The following ZNF730 variants were observed in gnomAD, a reference collection of about 807,000 sequenced individuals.
The protein encoded by ZNF730 is zinc finger protein 730, also known as putative zinc finger protein 730.
Under a neutral mutation model 12.6 loss-of-function variants are expected in ZNF730, and 12 were observed. The observed-to-expected ratio is 0.95, with a 90% CI of 0.61 to 1.54. The LOEUF (loss-of-function observed/expected upper bound fraction) is 1.54, where lower values mean the gene tolerates loss of function less well. Among genes scored for constraint, ZNF730 ranks in the 40% most tolerant of loss-of-function variants. The pLI, the probability that ZNF730 is intolerant of heterozygous loss-of-function variation, is 0.00. For synonymous variants in ZNF730, 194 were observed against 195.8 expected, an observed-to-expected ratio of 0.99 and a Z score of 0.08; for missense variants, 643 against 583.5, an observed-to-expected ratio of 1.10 and a Z score of -1.05.
At chr19:23,083,471 A>G (rs796639819) in intron 1 of ZNF730, among the ~76,000 whole-genome samples, 1 of 152,286 alleles carries the variant, frequency 6.6e-6, no homozygotes, top group African/African-American at 2.4e-5. Flanking sequence ...ACTGGGTCAT[A>G]TAGTAGCTCT....
upstream of ZNF730, among the ~76,000 whole-genome samples, chr19:23,114,477 T>A (rs1338954639): frequency 1.4e-5 from 2 of 141,608 alleles, no homozygotes; most frequent in African/African-American, 5.0e-5. Context: ...CGGCTAATTT[T>A]TTTATTTTTA....
At chr19:23,111,215 T>C (rs1970457540) in intron 1 of ZNF730, among the ~76,000 whole-genome samples, 3 of 152,220 alleles carry the variant, frequency 2.0e-5, no homozygotes, top group African/African-American at 7.2e-5. Flanking sequence ...GTCAAGCATA[T>C]AATCCCAATA....
chr19:23,075,272 C>T (rs746958388), exon 1 of ZNF730: 2 of 152,810 alleles, frequency 1.3e-5, no homozygotes, highest in Admixed American at 6.6e-5. Context: ...CGTCCTCTAC[C>T]TGGGAACCAC....
upstream of ZNF730, among the ~76,000 whole-genome samples, chr19:23,114,542 C>T (rs1042533971): frequency 1.3e-5 from 2 of 151,100 alleles, no homozygotes; most frequent in Admixed American, 6.6e-5. Flanking sequence ...TTAGTAGAGA[C>T]GGAGTTTCAC....
At chr19:23,117,893 A>G (rs1970552270) in intron 1 of ZNF730, among the ~76,000 whole-genome samples, 1 of 152,030 alleles carries the variant, frequency 6.6e-6, no homozygotes, top group Admixed American at 6.6e-5. Context: ...ATTTTTTTTT[A>G]AAGTAGGAAT....
intron 1 of ZNF730, chr19:23,095,118 G>T (rs993116097): frequency 5.6e-6 from 2 of 358,012 alleles, no homozygotes; most frequent in Non-Finnish European, 1.0e-5. Context: ...CCAACTCACA[G>T]AAGGGATTGT....
intron 1 of ZNF730, among the ~76,000 whole-genome samples, chr19:23,129,572 TC>T (rs35242637): frequency 0.057 from 7,864 of 138,420 alleles, 302 homozygotes; most frequent in Middle Eastern, 0.098. Context: ...AATGCTTGTA[TC>T]CCCCCCCCCA....
At chr19:23,103,098 A>G (rs974432903) in intron 1 of ZNF730, among the ~76,000 whole-genome samples, 2 of 152,206 alleles carry the variant, frequency 1.3e-5, no homozygotes, top group Non-Finnish European at 2.9e-5. Flanking sequence ...AAAAATCCAC[A>G]GTTGAAATTG....
chr19:23,079,570 AT>A (rs1041535689), intron 1 of ZNF730, among the ~76,000 whole-genome samples: 25 of 152,318 alleles, frequency 1.6e-4, no homozygotes, highest in Non-Finnish European at 3.4e-4. Flanking sequence ...TTTGAAGGTA[AT>A]TTTTAAAAAA....
chr19:23,112,737 A>G (rs1277553015), upstream of ZNF730, among the ~76,000 whole-genome samples: 3 of 32,534 alleles, frequency 9.2e-5, no homozygotes, highest in Admixed American at 7.3e-4. Context: ...AAATAGAAGA[A>G]AAAAAAAAAA....
chr19:23,117,498 G>A (rs1970546329), intron 1 of ZNF730, among the ~76,000 whole-genome samples: 1 of 152,184 alleles, frequency 6.6e-6, no homozygotes. Flanking sequence ...ATCCTGACTC[G>A]GGCTGCGGGT....
intron 1 of ZNF730, among the ~76,000 whole-genome samples, chr19:23,102,771 C>A (rs1200954658): frequency 6.6e-6 from 1 of 152,146 alleles, no homozygotes; most frequent in East Asian, 1.9e-4. Flanking sequence ...TCTGGGATTA[C>A]AGGCATGAGC....
At chr19:23,131,268 GA>G (rs749008768) in intron 1 of ZNF730, among the ~76,000 whole-genome samples, 9 of 151,936 alleles carry the variant, frequency 5.9e-5, no homozygotes, top group Non-Finnish European at 1.3e-4. Flanking sequence ...CAATGACAGA[GA>G]AACAGAAAAA....
At chr19:23,099,824 C>T (rs1183489943) in intron 1 of ZNF730, among the ~76,000 whole-genome samples, 1 of 152,138 alleles carries the variant, frequency 6.6e-6, no homozygotes, top group Non-Finnish European at 1.5e-5. Flanking sequence ...AGTTATTTGA[C>T]TCTCACCTGG....
chr19:23,076,845 C>T (rs1235582151), intron 1 of ZNF730, among the ~76,000 whole-genome samples: 1 of 151,944 alleles, frequency 6.6e-6, no homozygotes, highest in Non-Finnish European at 1.5e-5. Flanking sequence ...GGTATATACC[C>T]AAAATAATAT....
At position 23,122,700 on chromosome 19, in the gene ZNF730, A is replaced by G. The variant is rs546027552; in HGVS notation, c.3+5524A>G. Among the ~76,000 whole-genome samples the G allele has an allele frequency of 7.9e-5, 12 of 152,340 alleles. No individual in the cohort carries two copies. In the South Asian group the frequency reaches 2.5e-3, roughly 32 times the overall value. ...TTACTTCAGAACAATTAGTATAGTT[A>G]GGTGTAGTGTTTGTAGACAACTTGC... is the stretch of plus-strand genomic sequence containing the variant. On this transcript the variant is annotated intron_variant, in intron 1 of 3. Coordinates refer to ENST00000597761, the MANE Select transcript of ZNF730 (RefSeq NM_001277403.2).
intron 1 of ZNF730, among the ~76,000 whole-genome samples, chr19:23,111,674 A>G (rs1970461784): frequency 6.6e-6 from 1 of 151,850 alleles, no homozygotes; most frequent in African/African-American, 2.4e-5. Context: ...GCTTGAACCC[A>G]GGAGGCGGAG....
At chr19:23,095,347 A>T (rs762533632) in intron 1 of ZNF730, 1 of 398,508 alleles carries the variant, frequency 2.5e-6, no homozygotes, top group Admixed American at 4.4e-5. Flanking sequence ...CCATTGTGAC[A>T]TATTGCTGGG....
At chr19:23,096,393 A>G (rs1222128085) in intron 1 of ZNF730, among the ~76,000 whole-genome samples, 1 of 152,150 alleles carries the variant, frequency 6.6e-6, no homozygotes, top group East Asian at 1.9e-4. Flanking sequence ...CAACTCTCCT[A>G]CATGGGCCCC....
Sources: gnomAD v4.1 joint callset for allele counts (sites outside exome capture counted in the v4.1 genomes callset) on GRCh38, gnomAD v4.1.1 for gene constraint, MANE v1.5 for transcripts, NCBI Gene and HGNC (gene_info 2026-07-23, HGNC 2026-07-21) for gene names.